Variants in AEN observed in about 807,000 individuals in gnomAD.
The protein encoded by AEN is apoptosis enhancing nuclease.
A neutral mutation model predicts 17.7 loss-of-function variants in AEN; 21 were observed. That is an observed-to-expected ratio of 1.19 (90% CI 0.84 to 1.71). The LOEUF is 1.71. Among genes scored for constraint, AEN ranks in the 40% most tolerant of loss-of-function variants. The pLI, the probability that AEN is intolerant of heterozygous loss-of-function variation, is 0.00. For missense variants in AEN, 462 were observed against 435.9 expected (o/e 1.06, Z -0.53); for synonymous variants, 190 against 173.0 (o/e 1.10, Z -0.77).
At chr15:88,624,456 T>C (rs909145523) in intron 1 of AEN, among the ~76,000 whole-genome samples, 1 of 152,182 alleles carries the variant, frequency 6.6e-6, no homozygotes, top group Non-Finnish European at 1.5e-5. Context: ...GCAGTGGTTA[T>C]TGAGCCCCTA....
the AEN span, among the ~76,000 whole-genome samples, chr15:88,608,989 G>A: frequency 6.6e-6 from 1 of 152,156 alleles, no homozygotes; most frequent in African/African-American, 2.4e-5. Context: ...CCTAAAAGAG[G>A]GGAAGTCAAA....
At chr15:88,620,483 C>T (rs1416569610), upstream of AEN, among the ~76,000 whole-genome samples, 11 of 151,864 alleles carry the variant, frequency 7.2e-5, no homozygotes, top group Admixed American at 6.6e-4. Flanking sequence ...GGCGCGATCT[C>T]GGCTCACTGC....
rs1424384733 is a variant in AEN, at chr15:88,626,286, T to G, written c.77T>G (p.Leu26Arg). ...ACCATCCCAAATGCCAAGGATGTGC[T>G]TCGGAAGAGGCACAAGAGAAGGAGC... ...SLTIPNAKDV[L>R]RKRHKRRSRQ... The change falls in exon 2 of 4, where the codon CTT (leucine) becomes CGT (arginine). Residue 26 changes from leucine (L) to arginine (R), a missense_variant. Coordinates refer to ENST00000332810, the MANE Select transcript of AEN (RefSeq NM_022767.4). 6.2e-7 allele frequency: 1 copy of G among 1,613,546 alleles called. No homozygotes were observed. Among genetic ancestry groups the G allele is most frequent in the Non-Finnish European group, 8.5e-7 (1 of 1,179,982 alleles).
Position 88,626,674 on chromosome 15 carries a change from C to T in AEN, c.465C>T (p.Asp155=). The T allele has an allele frequency of 1.2e-6, 2 of 1,613,898 alleles. No individual in the cohort carries two copies. Among genetic ancestry groups the T allele is most frequent in the Non-Finnish European group, 8.5e-7 (1 of 1,180,054 alleles). ...KYIRPEMPIA[D]YRTRWSGITR... ...TCAGGCCTGAGATGCCCATCGCTGA[C>T]TACCGTACCCGCTGGAGTGGCATCA... Residue 155 remains aspartate, a synonymous_variant, in exon 2 of 4, where the codon GAC becomes GAT. Transcript: ENST00000332810.
At chr15:88,624,117 CTT>C (rs2057821099) in intron 1 of AEN, among the ~76,000 whole-genome samples, 1 of 152,246 alleles carries the variant, frequency 6.6e-6, no homozygotes, top group Non-Finnish European at 1.5e-5. Flanking sequence ...CCTTAACACA[CTT>C]TATGCTTGGT....
intron 2 of AEN, chr15:88,628,963 A>T: frequency 2.2e-6 from 1 of 460,668 alleles, no homozygotes; most frequent in South Asian, 2.6e-5. Context: ...TAGTCCTTAG[A>T]GCCACCCCAC....
chr15:88,618,484 G>A (rs73451715), upstream of AEN, among the ~76,000 whole-genome samples: 2,741 of 152,246 alleles, frequency 0.018, 73 homozygotes, highest in African/African-American at 0.056. Flanking sequence ...TAAAATACAT[G>A]CATAGCATTT....
the AEN span, among the ~76,000 whole-genome samples, chr15:88,606,216 G>T: frequency 1.3e-5 from 2 of 152,072 alleles, no homozygotes; most frequent in African/African-American, 2.4e-5. Context: ...GCTCCCTCTC[G>T]CTCTCTCCCC....
At chr15:88,607,322 G>A in the AEN span, among the ~76,000 whole-genome samples, 5 of 152,198 alleles carry the variant, frequency 3.3e-5, no homozygotes, top group African/African-American at 1.2e-4. Flanking sequence ...TGTTTCCCTT[G>A]ATTGACAAAC....
chr15:88,626,873 A>C (rs1290721922), intron 2 of AEN, 124 bp downstream of exon 2: 1 of 1,057,144 alleles, frequency 9.5e-7, no homozygotes, highest in Non-Finnish European at 1.4e-6. Flanking sequence ...TAACTGCTCC[A>C]AACAGTAGGT....
chr15:88,605,406 A>G, the AEN span, among the ~76,000 whole-genome samples: 2 of 152,210 alleles, frequency 1.3e-5, no homozygotes, highest in African/African-American at 4.8e-5. This position sits in a 1 kb window ranked among gnomAD's most constrained non-coding sequence, Gnocchi z 7.6. Flanking sequence ...TGCATGCAGA[A>G]GAGCAGCTGG....
At chr15:88,618,256 C>CCTA (rs34202097), upstream of AEN, among the ~76,000 whole-genome samples, 121,835 of 151,726 alleles carry the variant, frequency 0.8, 50,979 homozygotes, top group Non-Finnish European at 0.92. Flanking sequence ...TTTTTTTCTT[C>CCTA]TTCAGCTTCT....
chr15:88,611,769 C>T, the AEN span: 3,006 of 414,132 alleles, frequency 7.3e-3, 87 homozygotes, highest in African/African-American at 0.057. Context: ...GCATCCAGAC[C>T]GCTGACCTGG....
chr15:88,619,943 C>G (rs78899250), upstream of AEN, among the ~76,000 whole-genome samples: 1,959 of 152,206 alleles, frequency 0.013, 36 homozygotes, highest in African/African-American at 0.038. Context: ...CAGTCCTCAT[C>G]CATTCCTCTC....
intron 1 of AEN, 166 bp downstream of exon 1, chr15:88,621,548 C>T (rs1419475431): frequency 6.6e-6 from 1 of 152,262 alleles, no homozygotes; most frequent in Admixed American, 6.5e-5. Context: ...CCGGGCGCCG[C>T]CTGTCTCCAG....
chr15:88,610,482 C>A, the AEN span, among the ~76,000 whole-genome samples: 1 of 152,092 alleles, frequency 6.6e-6, no homozygotes, highest in Non-Finnish European at 1.5e-5. Context: ...GGGAGGAACA[C>A]CTCTCCCTTA....
the AEN span, among the ~76,000 whole-genome samples, chr15:88,615,268 G>C: frequency 0.075 from 11,434 of 152,196 alleles, 480 homozygotes; most frequent in Middle Eastern, 0.088. Flanking sequence ...ATGGAGCAAG[G>C]AACGGCAGAG....
chr15:88,617,242 C>T (rs2057745787), upstream of AEN, among the ~76,000 whole-genome samples: 2 of 151,982 alleles, frequency 1.3e-5, no homozygotes, highest in Admixed American at 6.6e-5. Context: ...AGGCATGTGC[C>T]ACCTTGCCTA....
chr15:88,612,935 G>C, the AEN span, among the ~76,000 whole-genome samples: 2 of 152,050 alleles, frequency 1.3e-5, no homozygotes, highest in African/African-American at 4.8e-5. Flanking sequence ...CTCTGCCTGG[G>C]GGGTACCTTG....
Sources: allele counts gnomAD v4.1 joint callset (sites outside exome capture counted in the v4.1 genomes callset), GRCh38; gene constraint gnomAD v4.1.1; non-coding constraint Gnocchi (gnomAD v3.1); transcripts MANE v1.5; gene names NCBI Gene and HGNC (gene_info 2026-07-23, HGNC 2026-07-21).